Variants in SPG11 observed in about 807,000 individuals in gnomAD.
SPG11 encodes the protein spatacsin.
In SPG11, 222 loss-of-function variants were observed where a neutral mutation model predicts 274.0. The observed-to-expected ratio is 0.81, with a 90% CI of 0.73 to 0.91. SPG11 has a LOEUF of 0.91. Ranked by LOEUF, SPG11 falls within the 40% of genes least tolerant of loss-of-function variation. The pLI, the probability that SPG11 is intolerant of heterozygous loss-of-function variation, is 0.00. For missense variants in SPG11, 3,114 were observed against 2,872.7 expected (o/e 1.08, Z -1.92); for synonymous variants, 1,144 against 1,039.7 (o/e 1.10, Z -1.93).
Position 44,606,012 on chromosome 15 carries a change from C to G in SPG11, c.3520+13G>C. On this transcript the variant is annotated intron_variant, in intron 20 of 39. Transcript: ENST00000261866. ...GCTAAAACATGTCTCAAGAAGTACCCATGATGACTTACCTCCTATAGCTAG... is the reference window on the plus strand; with the variant it reads ...GCTAAAACATGTCTCAAGAAGTACCGATGATGACTTACCTCCTATAGCTAG... 6.2e-7 allele frequency: 1 copy of G among 1,610,166 alleles called. No homozygotes were observed. The highest frequency in any genetic ancestry group is 8.5e-7 in the Non-Finnish European group (1 of 1,176,656).
Position 44,659,082 on chromosome 15 carries a change from T to A in SPG11, c.664A>T (p.Ile222Phe), listed in dbSNP as rs778932218. 3.7e-6 allele frequency: 6 copies of A among 1,614,004 alleles called. No homozygotes were observed. The highest frequency in any genetic ancestry group is 5.1e-6 in the Non-Finnish European group (6 of 1,179,878). Residue 222 changes from isoleucine to phenylalanine, a missense_variant, in exon 3 of 40, where the codon ATC becomes TTC. Ile to Phe is a conservative substitution (Grantham distance 21). Coordinates refer to ENST00000261866, the MANE Select transcript of SPG11 (RefSeq NM_025137.4). Reference protein sequence around the residue: ...ILFVLSSLGWIYIFDVVDGTY... With the variant: ...ILFVLSSLGWFYIFDVVDGTY... Reference sequence around the variant, plus strand: ...ACACTTCTACCACCAAGGATACAGATCCAGCCTAAACTACTCAAAACAAAA... The same window carrying A: ...ACACTTCTACCACCAAGGATACAGAACCAGCCTAAACTACTCAAAACAAAA...
chr15:44,584,071 A>G lies in SPG11; in HGVS notation c.5609T>C (p.Leu1870Ser), dbSNP rs1262707167. The G allele has an allele frequency of 6.2e-7, 1 of 1,614,186 alleles. No homozygotes were observed. The highest frequency in any genetic ancestry group is 2.2e-5 in the East Asian group (1 of 44,896). The part of the protein sequence containing the change: ...LPSKETCENR[L>S]DWKEQESLNF... ...TAGTGACTCCTGCTCTTTCCAATCC[A>G]ATCTATTCTCGCATGTCTCTTTGGA... The change falls in exon 30 of 40, where the codon TTG (leucine) becomes TCG (serine). Residue 1870 changes from leucine to serine, a missense_variant. Leu to Ser is a moderately radical substitution (Grantham distance 145). Coordinates refer to ENST00000261866, the MANE Select transcript of SPG11 (RefSeq NM_025137.4).
intron 27 of SPG11, among the ~76,000 whole-genome samples, chr15:44,592,112 A>G (rs1422372292): frequency 7.0e-6 from 1 of 143,344 alleles, no homozygotes; most frequent in African/African-American, 2.6e-5. Flanking sequence ...CACTGTCTCA[A>G]AAAAAAAAAA....
chr15:44,567,703 G>A lies in SPG11; in HGVS notation c.6586-111C>T, dbSNP rs79493287. 7,571 of 1,042,528 alleles carry A rather than the reference G, an allele frequency of 7.3e-3. 193 individuals are homozygous for A. The highest frequency in any genetic ancestry group is 0.047 in the Admixed American group (2,393 of 51,406). The allele number at this position is 1,042,528 out of a possible 1,614,324, so 64.6% of individuals were successfully genotyped here. A position where few individuals can be genotyped will look rare whatever the true frequency, so the allele number is the denominator to read the frequency against. On this transcript the variant is annotated intron_variant, in intron 35 of 39. Coordinates refer to ENST00000261866, the MANE Select transcript of SPG11 (RefSeq NM_025137.4). ...CCTTAAAAACTCCCAAGAAGAAGAG[G>A]AGCAAAAATGAGAATAAATACAAGT...
intron 4 of SPG11, 25 bp from the exon 5 acceptor site, chr15:44,652,291 A>T: frequency 6.2e-7 from 1 of 1,613,362 alleles, no homozygotes; most frequent in Non-Finnish European, 8.5e-7. Flanking sequence ...AATGATAGAC[A>T]TATGAAAAAA....
At chr15:44,624,467 TA>T (rs957179651) in intron 11 of SPG11, among the ~76,000 whole-genome samples, 4 of 151,834 alleles carry the variant, frequency 2.6e-5, no homozygotes, top group African/African-American at 7.3e-5. Flanking sequence ...ATATGGAATC[TA>T]AAAAAAAGCT....
intron 20 of SPG11, among the ~76,000 whole-genome samples, chr15:44,602,205 T>TC: frequency 6.6e-6 from 1 of 150,416 alleles, no homozygotes; most frequent in Non-Finnish European, 1.5e-5. Flanking sequence ...TGGATGCCTT[T>TC]CTTTTTTTTT....
At chr15:44,621,484 A>G in intron 14 of SPG11, 1 of 420,326 alleles carries the variant, frequency 2.4e-6, no homozygotes, top group South Asian at 2.2e-5. Context: ...GCTCAAGACT[A>G]TTTGAAAAAA....
rs1046185704 is a variant in SPG11 at position 44,580,481 on chromosome 15, T to TA, written c.5866+3332dup. Among the ~76,000 whole-genome samples the TA allele has an allele frequency of 1.2e-4, 19 of 152,080 alleles. No homozygotes were observed. The East Asian group carries it at 2.1e-3, about 17-fold the overall frequency. ...CTGAACAACAGAGAGAAAAAAAGTT[T>TA]AAAAAAAACTGAACTGGCCAGGCAC... On this transcript the variant is annotated intron_variant, in intron 30 of 39. Coordinates refer to ENST00000261866, the MANE Select transcript of SPG11 (RefSeq NM_025137.4).
At chr15:44,568,202 G>A (rs2082348163) in intron 35 of SPG11, among the ~76,000 whole-genome samples, 1 of 152,148 alleles carries the variant, frequency 6.6e-6, no homozygotes, top group East Asian at 1.9e-4. Context: ...TTTCTGTGTT[G>A]TTCTGTTTTC....
chr15:44,648,428 G>C (rs1335166579), intron 7 of SPG11, among the ~76,000 whole-genome samples: 2 of 151,130 alleles, frequency 1.3e-5, no homozygotes, highest in Non-Finnish European at 2.9e-5. Flanking sequence ...TGGGAGAATT[G>C]CTTGAACCTG....
chr15:44,622,844 G>A (rs1200569479), intron 11 of SPG11, 45 bp from the exon 12 acceptor site: 2 of 1,317,430 alleles, frequency 1.5e-6, no homozygotes, highest in Admixed American at 1.7e-5. Flanking sequence ...TTTTGTAATG[G>A]AACTATTTTG....
intron 13 of SPG11, 74 bp downstream of exon 13, chr15:44,622,146 G>T: frequency 6.6e-7 from 1 of 1,515,068 alleles, no homozygotes; most frequent in Non-Finnish European, 9.1e-7. Flanking sequence ...AGAAACTTGT[G>T]TTCACTAACA....
chr15:44,603,449 C>A (rs1021004324), intron 20 of SPG11, among the ~76,000 whole-genome samples: 1 of 152,166 alleles, frequency 6.6e-6, no homozygotes, highest in African/African-American at 2.4e-5. Context: ...CCTATAACCT[C>A]CATTTGTTAT....
Position 44,610,832 on chromosome 15 carries a change from A to G in SPG11, c.3291+8T>C. The G allele has an allele frequency of 6.2e-7, 1 of 1,613,684 alleles. No individual in the cohort carries two copies. Among genetic ancestry groups the G allele is most frequent in the Non-Finnish European group, 8.5e-7 (1 of 1,179,638 alleles). On this transcript the variant is annotated splice_region_variant and intron_variant, in intron 18 of 39. Transcript: ENST00000261866. ...CAGTCCTATTTTGTCATAAAGTGCTATCCATACCTGACTGACACCCCCAGG... is the reference window on the plus strand; with the variant it reads ...CAGTCCTATTTTGTCATAAAGTGCTGTCCATACCTGACTGACACCCCCAGG...
At chr15:44,636,860 G>T (rs1188820770) in intron 7 of SPG11, among the ~76,000 whole-genome samples, 1 of 146,124 alleles carries the variant, frequency 6.8e-6, no homozygotes, top group East Asian at 2.0e-4. Flanking sequence ...CAGGAGGCAG[G>T]GGTTGCACTG....
chr15:44,642,927 G>C (rs537512778), intron 7 of SPG11, among the ~76,000 whole-genome samples: 4 of 152,202 alleles, frequency 2.6e-5, no homozygotes, highest in African/African-American at 9.6e-5. Context: ...GCCAGGCAAG[G>C]TAAGGGAATA....
chr15:44,572,534 A>T, intron 33 of SPG11, 149 bp downstream of exon 33: 1 of 749,368 alleles, frequency 1.3e-6, no homozygotes, highest in Non-Finnish European at 2.2e-6. Context: ...CAGTGAAGTT[A>T]AGGCTTTCTA....
chr15:44,598,803 T>TA lies in SPG11; in HGVS notation c.3719dup (p.Gly1241ArgfsTer24). On this transcript the variant is annotated frameshift_variant, in exon 22 of 40. Coordinates refer to ENST00000261866, the MANE Select transcript of SPG11 (RefSeq NM_025137.4). LOFTEE classifies it high-confidence loss of function. ...AAGGTATGTGGAAGGAGGAGAGCCC[T>TA]ATAACATAGGCTTCATTGCCTACTT... The TA allele has an allele frequency of 6.2e-7, 1 of 1,614,196 alleles. No homozygotes were observed. Among genetic ancestry groups the TA allele is most frequent in the Non-Finnish European group, 8.5e-7 (1 of 1,180,026 alleles).
Sources: allele counts gnomAD v4.1 joint callset (sites outside exome capture counted in the v4.1 genomes callset), GRCh38; gene constraint gnomAD v4.1.1; transcripts MANE v1.5; gene names NCBI Gene and HGNC (gene_info 2026-07-23, HGNC 2026-07-21).